Variants in AKAP11 observed in about 807,000 individuals in gnomAD.
AKAP11 encodes the protein A-kinase anchoring protein 11, also known as A-kinase anchor protein 11.
AKAP11 carries 36 observed loss-of-function variants against 146.1 expected under a neutral mutation model. The observed-to-expected ratio is 0.25, with a 90% CI of 0.19 to 0.33. The LOEUF is 0.33. AKAP11 is among the 10% of genes least tolerant of loss of function. The probability of loss-of-function intolerance (pLI) is 1.00; values close to 1 mark genes in which losing one functional copy is unlikely to be tolerated. For missense variants in AKAP11, 2,201 were observed against 2,197.0 expected, an observed-to-expected ratio of 1.00 and a Z score of -0.04; for synonymous variants, 780 against 786.5, an observed-to-expected ratio of 0.99 and a Z score of 0.14.
chr13:42,303,397 ACT>A lies in AKAP11; in HGVS notation c.4654_4655del (p.Leu1552ArgfsTer13), dbSNP rs1566281998. On this transcript the variant is annotated frameshift_variant, in exon 8 of 13. Coordinates refer to ENST00000025301, the MANE Select transcript of AKAP11 (RefSeq NM_016248.4). LOFTEE classifies it high-confidence loss of function. ...EQYAKKVVDD[T>X]LELTLGSTVF... ...GTATGCCAAAAAAGTAGTGGATGACACTCTAGAGCTAACTCTAGGATCTACAG... is the reference window on the plus strand; with the variant it reads ...GTATGCCAAAAAAGTAGTGGATGACACTAGAGCTAACTCTAGGATCTACAG... 6.2e-7 allele frequency: 1 copy of A among 1,613,892 alleles called. No individual in the cohort carries two copies. The highest frequency in any genetic ancestry group is 8.5e-7 in the Non-Finnish European group (1 of 1,179,978).
At chr13:42,317,937 GAT>G (rs1960900627) in intron 12 of AKAP11, among the ~76,000 whole-genome samples, 2 of 152,218 alleles carry the variant, frequency 1.3e-5, no homozygotes, top group East Asian at 3.9e-4. Context: ...GGTTTATGAG[GAT>G]TAAATATAAT....
rs749841161 is a variant in AKAP11, at chr13:42,300,732, G to C, written c.1986G>C (p.Val662=). The change falls in exon 8 of 13, where the codon GTG becomes GTC. Residue 662 remains valine, a synonymous_variant. Transcript: ENST00000025301. ...EELVFEGIME[V]CQFSYPQTPA... ...TTGTTTTTGAAGGCATCATGGAGGT[G>C]TGTCAGTTTTCATATCCTCAAACGC... The C allele has an allele frequency of 4.3e-6, 7 of 1,613,952 alleles. No homozygotes were observed. The highest frequency in any genetic ancestry group is 5.9e-6 in the Non-Finnish European group (7 of 1,179,960).
At chr13:42,286,236 G>T in intron 2 of AKAP11, 64 bp from the exon 3 acceptor site, 4 of 589,262 alleles carry the variant, frequency 6.8e-6, no homozygotes, top group South Asian at 3.8e-5. Context: ...AATTAATTTA[G>T]CACAAAATGC....
chr13:42,283,309 C>T (rs55872738), intron 1 of AKAP11, among the ~76,000 whole-genome samples: 1 of 152,126 alleles, frequency 6.6e-6, no homozygotes, highest in African/African-American at 2.4e-5. Flanking sequence ...TAAACTGTTT[C>T]TCTTTCATTA....
chr13:42,272,824 A>G (rs1345026891), intron 1 of AKAP11, among the ~76,000 whole-genome samples: 1 of 152,230 alleles, frequency 6.6e-6, no homozygotes, highest in East Asian at 1.9e-4. Flanking sequence ...AAGGCTGGCC[A>G]TAAAGTACCC....
chr13:42,317,838 T>G (rs1318604482), intron 12 of AKAP11, 150 bp downstream of exon 12: 4 of 834,318 alleles, frequency 4.8e-6, no homozygotes, highest in Non-Finnish European at 7.2e-6. Flanking sequence ...TCTGCCACTT[T>G]CTAGCAGTAT....
intron 12 of AKAP11, among the ~76,000 whole-genome samples, chr13:42,317,950 G>A (rs1960901045): frequency 6.6e-6 from 1 of 152,058 alleles, no homozygotes; most frequent in Admixed American, 6.6e-5. Flanking sequence ...TAAATATAAT[G>A]TTAAAAAAAA....
At chr13:42,284,792 C>T (rs1028946263) in intron 1 of AKAP11, among the ~76,000 whole-genome samples, 1 of 152,204 alleles carries the variant, frequency 6.6e-6, no homozygotes, top group Non-Finnish European at 1.5e-5. Flanking sequence ...CACAGGGAGA[C>T]GCATGATCGT....
intron 4 of AKAP11, among the ~76,000 whole-genome samples, chr13:42,294,545 G>A (rs563851939): frequency 6.6e-6 from 1 of 152,074 alleles, no homozygotes; most frequent in African/African-American, 2.4e-5. Flanking sequence ...TGGGACTATA[G>A]GCATGCACCA....
intron 1 of AKAP11, among the ~76,000 whole-genome samples, chr13:42,274,861 A>G (rs1219292012): frequency 2.0e-5 from 3 of 152,218 alleles, no homozygotes; most frequent in Non-Finnish European, 2.9e-5. Context: ...AAAATGAGGT[A>G]TATTGTAAAG....
intron 6 of AKAP11, among the ~76,000 whole-genome samples, 200 bp from the exon 7 acceptor site, chr13:42,298,333 G>A (rs558370406): frequency 6.6e-6 from 1 of 152,078 alleles, no homozygotes; most frequent in Non-Finnish European, 1.5e-5. Flanking sequence ...GATAAAAGAA[G>A]ATGGGAGAAA....
In AKAP11 at chr13:42,301,393, A is replaced by G; in HGVS notation, c.2647A>G (p.Ile883Val). 6.2e-7 allele frequency: 1 copy of G among 1,613,702 alleles called. No homozygotes were observed. The highest frequency in any genetic ancestry group is 2.2e-5 in the East Asian group (1 of 44,858). The change falls in exon 8 of 13, where the codon ATA becomes GTA. Residue 883 changes from isoleucine (I) to valine (V), a missense_variant. Ile to Val is a conservative substitution (Grantham distance 29, BLOSUM62 3). Around this residue, in one of 3 missense-constraint regions of AKAP11, gnomAD observed 1,867 missense variants for 1,833.5 expected, o/e 1.02. Transcript: ENST00000025301. ...SNFSAAVVHTIVNETLESMTS... is the reference protein window; with the variant it reads ...SNFSAAVVHTVVNETLESMTS... ...CTTTTCTGCAGCAGTGGTGCATACG[A>G]TAGTAAATGAAACTTTAGAGTCAAT...
At position 42,322,877 on chromosome 13, in the gene AKAP11, T is replaced by C. The variant is rs1961144193; in HGVS notation, c.*3649T>C. 1 of 152,740 alleles carries C rather than the reference T, an allele frequency of 6.5e-6. No individual in the cohort carries two copies. Among genetic ancestry groups the C allele is most frequent in the Non-Finnish European group, 1.5e-5 (1 of 68,022 alleles). The allele number at this position is 152,740 out of a possible 1,614,324, so 9.5% of individuals were successfully genotyped here. On this transcript the variant is annotated 3_prime_UTR_variant, in exon 13 of 13. Transcript: ENST00000025301. ...GTTGTAATGTTTGAATACTATTTAA[T>C]ATCCGGTTTTAATATTGCTGGATTT...
Position 42,301,436 on chromosome 13 carries a change from C to T in AKAP11, c.2690C>T (p.Thr897Ile). ...TLESMTSLEV[T>I]KMVDERTDYL... Reference sequence around the variant, plus strand: ...GAGTCAATGACATCATTGGAAGTTACAAAAATGGTTGATGAACGTACAGAT... The same window carrying T: ...GAGTCAATGACATCATTGGAAGTTATAAAAATGGTTGATGAACGTACAGAT... The change falls in exon 8 of 13, where the codon ACA becomes ATA. Residue 897 changes from threonine (T) to isoleucine (I), a missense_variant. Physicochemically the swap from Thr to Ile is moderately conservative, Grantham distance 89. Transcript: ENST00000025301. The T allele has an allele frequency of 1.9e-6, 3 of 1,612,896 alleles. 1 individual carries two copies. Among genetic ancestry groups the T allele is most frequent in the Non-Finnish European group, 8.5e-7 (1 of 1,179,674 alleles).
chr13:42,299,332 A>C, intron 7 of AKAP11, 31 bp from the exon 8 acceptor site: 5 of 1,552,844 alleles, frequency 3.2e-6, no homozygotes, highest in Non-Finnish European at 4.3e-6. Context: ...TTGTTCAAAA[A>C]TAATTTCACC....
At chr13:42,292,652 G>A in intron 4 of AKAP11, 151 bp downstream of exon 4, 2 of 435,606 alleles carry the variant, frequency 4.6e-6, no homozygotes, top group African/African-American at 2.0e-5. Context: ...GGCGGGAGAG[G>A]GGAAAAAAAA....
At chr13:42,277,159 AGTT>A (rs751862647) in intron 1 of AKAP11, among the ~76,000 whole-genome samples, 29 of 152,370 alleles carry the variant, frequency 1.9e-4, no homozygotes, top group Admixed American at 4.6e-4. Flanking sequence ...ATTATAAATC[AGTT>A]GTTGAAAATA....
chr13:42,282,518 A>G (rs1959084641), intron 1 of AKAP11, among the ~76,000 whole-genome samples: 1 of 152,106 alleles, frequency 6.6e-6, no homozygotes, highest in Non-Finnish European at 1.5e-5. Flanking sequence ...AAGAAGTGAA[A>G]TAGCAGGACT....
intron 4 of AKAP11, among the ~76,000 whole-genome samples, chr13:42,295,306 T>G (rs1167181178): frequency 2.0e-5 from 3 of 152,160 alleles, no homozygotes; most frequent in Non-Finnish European, 2.9e-5. Flanking sequence ...ATGAAAGCAT[T>G]AGGTAACCTC....
Sources: allele counts gnomAD v4.1 joint callset (sites outside exome capture counted in the v4.1 genomes callset), GRCh38; gene constraint gnomAD v4.1.1; regional missense constraint gnomAD v4.1.1; transcripts MANE v1.5; gene names NCBI Gene and HGNC (gene_info 2026-07-23, HGNC 2026-07-21).